Variants in COL4A3 observed in about 807,000 individuals in gnomAD.
The protein encoded by COL4A3 is collagen type IV alpha 3 chain.
COL4A3 carries 135 observed loss-of-function variants against 217.4 expected under a neutral mutation model. The ratio of observed to expected loss-of-function variants is 0.62; its 90% CI spans 0.54 to 0.72. The LOEUF (loss-of-function observed/expected upper bound fraction) is 0.72. Among genes scored for constraint, COL4A3 ranks in the 30% least tolerant of loss-of-function variants. The pLI, the probability that COL4A3 is intolerant of heterozygous loss-of-function variation, is 0.00. For missense variants in COL4A3, 1,868 were observed against 2,119.9 expected, an observed-to-expected ratio of 0.88 and a Z score of 2.33; for synonymous variants, 690 against 736.3, an observed-to-expected ratio of 0.94 and a Z score of 1.02.
intron 1 of COL4A3, among the ~76,000 whole-genome samples, chr2:227,197,175 A>C (rs2066513012): frequency 6.6e-6 from 1 of 152,072 alleles, no homozygotes; most frequent in Non-Finnish European, 1.5e-5. Context: ...TTTCTTTATA[A>C]ATTACCCAGT....
intron 7 of COL4A3, chr2:227,246,957 G>C (rs917741916): frequency 1.8e-5 from 12 of 664,088 alleles, no homozygotes; most frequent in Non-Finnish European, 3.4e-5. Flanking sequence ...TCCAAGTGGA[G>C]ATGCATGAGA....
chr2:227,171,671 T>C (rs2065478245), intron 1 of COL4A3, among the ~76,000 whole-genome samples: 1 of 152,130 alleles, frequency 6.6e-6, no homozygotes, highest in African/African-American at 2.4e-5. Context: ...TTCCTGGTGG[T>C]GAATCCGTGT....
intron 1 of COL4A3, among the ~76,000 whole-genome samples, chr2:227,174,075 G>A (rs995076249): frequency 1.3e-5 from 2 of 152,178 alleles, no homozygotes; most frequent in African/African-American, 4.8e-5. Context: ...CAAAAAATCA[G>A]GCTGAGTTGT....
intron 1 of COL4A3, among the ~76,000 whole-genome samples, chr2:227,197,094 T>TCGCCTTC (rs1253773821): frequency 6.6e-6 from 1 of 152,226 alleles, no homozygotes; most frequent in Non-Finnish European, 1.5e-5. Flanking sequence ...GATGTGCCTT[T>TCGCCTTC]CGCCTTCCGC....
intron 23 of COL4A3, 40 bp from the exon 24 acceptor site, chr2:227,269,870 C>T (rs774292533): frequency 5.8e-6 from 9 of 1,547,860 alleles, no homozygotes; most frequent in Admixed American, 1.7e-5. Flanking sequence ...TTAGAGTTGG[C>T]GTTCAATGAG....
At chr2:227,234,652 T>C (rs1328060089) in intron 1 of COL4A3, among the ~76,000 whole-genome samples, 1 of 152,076 alleles carries the variant, frequency 6.6e-6, no homozygotes, top group Non-Finnish European at 1.5e-5. Flanking sequence ...GGACAAACAG[T>C]CATCAGAAAA....
intron 15 of COL4A3, 59 bp downstream of exon 15, chr2:227,254,774 T>C: frequency 8.1e-7 from 1 of 1,231,520 alleles, no homozygotes; most frequent in Non-Finnish European, 1.2e-6. Context: ...TGGGACTCTT[T>C]AGGTTACAGG....
chr2:227,259,524 G>T (rs1378963083), intron 18 of COL4A3, among the ~76,000 whole-genome samples: 1 of 152,052 alleles, frequency 6.6e-6, no homozygotes, highest in East Asian at 1.9e-4. Flanking sequence ...TATAAATGTG[G>T]GTGTGTAAAC....
chr2:227,211,234 C>T (rs1235232524), intron 1 of COL4A3, among the ~76,000 whole-genome samples: 1 of 152,054 alleles, frequency 6.6e-6, no homozygotes, highest in Non-Finnish European at 1.5e-5. Flanking sequence ...CTCTTGACCT[C>T]GTGATCCGCC....
chr2:227,307,624 T>C (rs774885511), intron 47 of COL4A3, 86 bp from the exon 48 acceptor site: 4 of 1,100,280 alleles, frequency 3.6e-6, no homozygotes, highest in Non-Finnish European at 5.4e-6. Context: ...GCTCAACATA[T>C]ATAAAATATA....
At chr2:227,167,035 A>G (rs1033236896) in intron 1 of COL4A3, among the ~76,000 whole-genome samples, 2 of 152,222 alleles carry the variant, frequency 1.3e-5, no homozygotes, top group African/African-American at 2.4e-5. Context: ...TCACTTCAAG[A>G]GAGAAGTTGG....
Position 227,263,791 on chromosome 2 carries a change from C to T in COL4A3, c.1162C>T (p.Pro388Ser). ...TTATTTTCTCCAAGGATCATCAAGG[C>T]CTGGCCTCAGAGGAGCCCCTGGATG... ...GVPGSPGSSR[P>S]GLRGAPGWPG... Residue 388 changes from proline (P) to serine (S), a missense_variant, in exon 21 of 52, where the codon CCT becomes TCT. Pro to Ser is a moderately conservative substitution (Grantham distance 74). Around this residue, in one of 2 missense-constraint regions of COL4A3, gnomAD observed 1,503 missense variants for 1,786.1 expected, o/e 0.84. Coordinates refer to ENST00000396578, the MANE Select transcript of COL4A3 (RefSeq NM_000091.5). 6.2e-7 allele frequency: 1 copy of T among 1,613,744 alleles called. No homozygotes were observed. The highest frequency in any genetic ancestry group is 1.6e-4 in the Middle Eastern group (1 of 6,062).
intron 1 of COL4A3, among the ~76,000 whole-genome samples, chr2:227,217,292 A>C (rs967786949): frequency 6.6e-6 from 1 of 152,234 alleles, no homozygotes; most frequent in African/African-American, 2.4e-5. Context: ...TGTGGGAATT[A>C]TGGGAGCTAC....
At position 227,245,941 on chromosome 2, in the gene COL4A3, G is replaced by C. The variant is rs1248030574; in HGVS notation, c.325-13G>C. The C allele has an allele frequency of 5.0e-6, 8 of 1,612,624 alleles. No individual in the cohort carries two copies. The Admixed American group carries it at 1.2e-4, about 24-fold the overall frequency. ...GGGATGACCCTCCTCATTGAGACTT[G>C]TTCTTCTTCCAGGGCACCCCAGGCA... On this transcript the variant is annotated splice_polypyrimidine_tract_variant and intron_variant, in intron 5 of 51. Transcript: ENST00000396578.
In COL4A3 at chr2:227,307,848, C is replaced by T. The variant is rs2073574217; in HGVS notation, c.4391C>T (p.Thr1464Ile). Residue 1464 changes from threonine to isoleucine, a missense_variant, in exon 48 of 52, where the codon ACA becomes ATA. Physicochemically the swap from Thr to Ile is moderately conservative, Grantham distance 89. This residue lies in a region of COL4A3 where 1,503 missense variants were observed against 1,786.1 expected (regional missense o/e 0.84). Coordinates refer to ENST00000396578, the MANE Select transcript of COL4A3 (RefSeq NM_000091.5). Reference protein sequence around the residue: ...TTAIPSCPEGTVPLYSGFSFL... With the variant: ...TTAIPSCPEGIVPLYSGFSFL... Reference sequence around the variant, plus strand: ...GCAATTCCTTCATGTCCAGAGGGGACAGTGCCACTCTACAGTGGGTTTTCT... The same window carrying T: ...GCAATTCCTTCATGTCCAGAGGGGATAGTGCCACTCTACAGTGGGTTTTCT... 6.2e-7 allele frequency: 1 copy of T among 1,614,118 alleles called. No individual in the cohort carries two copies. The highest frequency in any genetic ancestry group is 1.7e-5 in the Admixed American group (1 of 60,026).
At chr2:227,206,766 C>T (rs1466522217) in intron 1 of COL4A3, among the ~76,000 whole-genome samples, 2 of 152,090 alleles carry the variant, frequency 1.3e-5, no homozygotes, top group South Asian at 2.1e-4. Flanking sequence ...GTAGCAATAA[C>T]GACGAAAATC....
intron 43 of COL4A3, among the ~76,000 whole-genome samples, chr2:227,302,134 C>A (rs2073311303): frequency 6.6e-6 from 1 of 152,156 alleles, no homozygotes; most frequent in African/African-American, 2.4e-5. Context: ...GGCTATAAGA[C>A]CAGTTCATGT....
chr2:227,246,387 A>C (rs775486752), intron 6 of COL4A3: 33 of 513,648 alleles, frequency 6.4e-5, no homozygotes, highest in Non-Finnish European at 1.1e-4. Context: ...CCTTTTCTCC[A>C]GAATGGTGGC....
At position 227,256,059 on chromosome 2, in the gene COL4A3, C is replaced by T. The variant is rs765318949; in HGVS notation, c.922C>T (p.Pro308Ser). The change falls in exon 16 of 52, where the codon CCT becomes TCT. Residue 308 changes from proline (P) to serine (S), a missense_variant. Pro to Ser is a moderately conservative substitution (Grantham distance 74). Transcript: ENST00000396578. ...KPGKDGVPGF[P>S]GSEGVKGNRG... ...CGGAAAAGATGGTGTTCCTGGCTTC[C>T]CTGGAAGTGAGGTATAGAGTTGATT... is the stretch of plus-strand genomic sequence containing the variant. 6.2e-7 allele frequency: 1 copy of T among 1,613,786 alleles called. No individual in the cohort carries two copies. Among genetic ancestry groups the T allele is most frequent in the Non-Finnish European group, 8.5e-7 (1 of 1,179,842 alleles).
Sources: allele counts gnomAD v4.1 joint callset (sites outside exome capture counted in the v4.1 genomes callset), GRCh38; gene constraint gnomAD v4.1.1; regional missense constraint gnomAD v4.1.1; transcripts MANE v1.5; gene names NCBI Gene and HGNC (gene_info 2026-07-23, HGNC 2026-07-21).